LY9: variants seen among roughly 807,000 people sequenced by gnomAD.
The protein encoded by LY9 is lymphocyte antigen 9.
In LY9, 59 loss-of-function variants were observed where a neutral mutation model predicts 64.6. That is an observed-to-expected ratio of 0.91 (90% CI 0.74 to 1.13). LY9 has a LOEUF of 1.13. Among genes scored for constraint, LY9 ranks in the 50% most tolerant of loss-of-function variants. The pLI is 0.00. For synonymous variants in LY9, 281 were observed against 308.5 expected (o/e 0.91, Z 0.93); for missense variants, 789 against 797.2 (o/e 0.99, Z 0.12).
Position 160,799,899 on chromosome 1 carries a change from C to T in LY9, c.271C>T (p.Arg91Cys), listed in dbSNP as rs200948203. The T allele has an allele frequency of 4.8e-5, 77 of 1,614,166 alleles. No individual in the cohort carries two copies. In the East Asian group the frequency reaches 5.6e-4, roughly 12 times the overall value. The change falls in exon 2 of 10, where the codon CGT becomes TGT. Residue 91 changes from arginine to cysteine, a missense_variant. Arg to Cys is a radical substitution (Grantham distance 180). Coordinates refer to ENST00000263285, the MANE Select transcript of LY9 (RefSeq NM_002348.4). Reference protein sequence around the residue: ...IGPKNALAFARPKENVTIMVK... With the variant: ...IGPKNALAFACPKENVTIMVK... Reference sequence around the variant, plus strand: ...TCCCAAAAATGCTCTTGCTTTCGCACGTCCCAAAGAAAATGTAACCATTAT... The same window carrying T: ...TCCCAAAAATGCTCTTGCTTTCGCATGTCCCAAAGAAAATGTAACCATTAT...
At chr1:160,805,739 TCTCACACACA>T (rs1558088363) in intron 2 of LY9, among the ~76,000 whole-genome samples, 1 of 111,858 alleles carries the variant, frequency 8.9e-6, no homozygotes, top group African/African-American at 3.7e-5. Flanking sequence ...TCTCTCTCTG[TCTCACACACA>T]CACACACACA....
In LY9 at chr1:160,814,339, C is replaced by T. The variant is rs143480770; in HGVS notation, c.731-81C>T. ...GGAAGAGGAGGAGGGACTTCAGTCCCCTCAGTCCCCTTTAGGATGCCTGGG... is the reference window on the plus strand; with the variant it reads ...GGAAGAGGAGGAGGGACTTCAGTCCTCTCAGTCCCCTTTAGGATGCCTGGG... On this transcript the variant is annotated intron_variant, in intron 3 of 9. Coordinates refer to ENST00000263285, the MANE Select transcript of LY9 (RefSeq NM_002348.4). 2.4e-5 allele frequency: 26 copies of T among 1,092,334 alleles called. No individual in the cohort carries two copies. In the East Asian group the frequency reaches 5.9e-4, roughly 25 times the overall value. 67.7% of individuals were successfully genotyped at this position (1,092,334 alleles called of 1,614,324 possible).
intron 7 of LY9, among the ~76,000 whole-genome samples, chr1:160,820,846 T>TG (rs910119370): frequency 5.9e-5 from 9 of 151,632 alleles, no homozygotes; most frequent in East Asian, 3.9e-4. Context: ...TGAATAGTTT[T>TG]TTTTTTTTTT....
chr1:160,824,524 A>C (rs1668737554), intron 9 of LY9: 1 of 985,232 alleles, frequency 1.0e-6, no homozygotes, highest in Non-Finnish European at 1.2e-6. Flanking sequence ...ACACTCAAAC[A>C]AGGTAGGGTC....
At chr1:160,796,440 T>G (rs1665869594) in intron 1 of LY9, 129 bp downstream of exon 1, 1 of 1,139,652 alleles carries the variant, frequency 8.8e-7, no homozygotes, top group Non-Finnish European at 1.2e-6. Flanking sequence ...GTTGCCAGGC[T>G]GGAGTGAAGT....
intron 3 of LY9, among the ~76,000 whole-genome samples, chr1:160,814,211 G>A (rs915191165): frequency 3.3e-5 from 5 of 152,164 alleles, no homozygotes; most frequent in Non-Finnish European, 7.3e-5. Context: ...AGGGCAGAGA[G>A]GGGACATGAG....
intron 7 of LY9, among the ~76,000 whole-genome samples, chr1:160,819,822 AAAGAGAGAGAAAGAAAGG>A (rs1668253636): frequency 7.6e-6 from 1 of 131,780 alleles, no homozygotes; most frequent in Non-Finnish European, 1.6e-5. Flanking sequence ...AAAGAGAAAG[AAAGAGAGAGAAAGAAAGG>A]AAGGAAGGAA....
chr1:160,821,335 G>T (rs1274674274), intron 7 of LY9, among the ~76,000 whole-genome samples: 1 of 152,086 alleles, frequency 6.6e-6, no homozygotes, highest in Non-Finnish European at 1.5e-5. Flanking sequence ...TTTGTGTGGG[G>T]AGGGTGTTCC....
intron 7 of LY9, among the ~76,000 whole-genome samples, chr1:160,821,415 C>T (rs1475587565): frequency 6.6e-6 from 1 of 152,162 alleles, no homozygotes; most frequent in Non-Finnish European, 1.5e-5. Context: ...CTTAACAGTA[C>T]ATCCCAGCAA....
chr1:160,801,579 G>A (rs1238323358), intron 2 of LY9, among the ~76,000 whole-genome samples: 4 of 152,022 alleles, frequency 2.6e-5, no homozygotes, highest in Non-Finnish European at 5.9e-5. Context: ...GTCTATTTTT[G>A]TTTTTGTTAC....
At chr1:160,808,081 C>T (rs1386349619) in intron 2 of LY9, among the ~76,000 whole-genome samples, 1 of 152,156 alleles carries the variant, frequency 6.6e-6, no homozygotes, top group Non-Finnish European at 1.5e-5. Flanking sequence ...ATATGCATCC[C>T]TCTCAGCCTC....
chr1:160,819,857 G>A (rs201968605), intron 7 of LY9, among the ~76,000 whole-genome samples: 35 of 34,896 alleles, frequency 1.0e-3, no homozygotes, highest in Non-Finnish European at 3.0e-3. Context: ...GGAAGGAAGG[G>A]AGGGAGGGAG....
rs1667985191 is a variant in LY9, at chr1:160,816,760, T to A, written c.1239T>A (p.Asn413Lys). 1.2e-6 allele frequency: 2 copies of A among 1,614,098 alleles called. No individual in the cohort carries two copies. Among genetic ancestry groups the A allele is most frequent in the Admixed American group, 1.7e-5 (1 of 60,004 alleles). ...TGTCCCAAGGGGAATCACACCTCAA[T>A]GTCTCATGGAGAAGCAGTGAAAATC... is the stretch of plus-strand genomic sequence containing the variant. ...AVVSQGESHL[N>K]VSWRSSENHP... is the part of the protein sequence containing the mutation. Residue 413 changes from asparagine (N) to lysine (K), a missense_variant, in exon 5 of 10, where the codon AAT becomes AAA. Asn to Lys is a moderately conservative substitution (Grantham distance 94). Transcript: ENST00000263285.
At chr1:160,800,675 A>C (rs1666372262) in intron 2 of LY9, among the ~76,000 whole-genome samples, 2 of 152,100 alleles carry the variant, frequency 1.3e-5, no homozygotes, top group South Asian at 4.1e-4. Flanking sequence ...CTCAATAGAT[A>C]ATTTTTCAGC....
intron 7 of LY9, 130 bp downstream of exon 7, chr1:160,819,504 A>C: frequency 5.1e-6 from 4 of 778,846 alleles, no homozygotes; most frequent in East Asian, 2.7e-5. Context: ...GAAATGCAAA[A>C]TCTGACCAGG....
intron 7 of LY9, among the ~76,000 whole-genome samples, chr1:160,819,950 A>G (rs1668285816): frequency 6.6e-6 from 1 of 152,034 alleles, no homozygotes; most frequent in Middle Eastern, 3.2e-3. Context: ...AGTGATTCAT[A>G]TGCCTACTGA....
At chr1:160,819,297 A>G (rs1285633021) in intron 6 of LY9, 24 bp from the exon 7 acceptor site, 1 of 1,606,746 alleles carries the variant, frequency 6.2e-7, no homozygotes, top group Admixed American at 1.7e-5. Flanking sequence ...CTCTTGATAA[A>G]CCTTCTCTAA....
chr1:160,818,924 ACAC>A (rs1292902810), intron 6 of LY9, among the ~76,000 whole-genome samples: 26 of 152,338 alleles, frequency 1.7e-4, no homozygotes, highest in African/African-American at 5.5e-4. Flanking sequence ...CCAAGAAGAT[ACAC>A]TATTATGATT....
chr1:160,800,441 C>T (rs1666347271), intron 2 of LY9, among the ~76,000 whole-genome samples: 1 of 152,186 alleles, frequency 6.6e-6, no homozygotes, highest in African/African-American at 2.4e-5. Context: ...TAAGTGAGAA[C>T]ATGCGATATG....
Sources: gnomAD v4.1 joint callset for allele counts (sites outside exome capture counted in the v4.1 genomes callset) on GRCh38, gnomAD v4.1.1 for gene constraint, MANE v1.5 for transcripts, NCBI Gene and HGNC (gene_info 2026-07-23, HGNC 2026-07-21) for gene names.